The following ALDH16A1 variants were observed in gnomAD, a reference collection of about 807,000 sequenced individuals.
The protein encoded by ALDH16A1 is aldehyde dehydrogenase family 16 member A1.
ALDH16A1 carries 88 observed loss-of-function variants against 96.1 expected under a neutral mutation model. The ratio of observed to expected loss-of-function variants is 0.92; its 90% CI spans 0.77 to 1.09. The LOEUF is 1.09. Among genes scored for constraint, ALDH16A1 ranks in the 50% least tolerant of loss-of-function variants. The pLI is 0.00. For missense variants in ALDH16A1, 1,250 were observed against 1,112.6 expected (o/e 1.12, Z -1.76); for synonymous variants, 522 against 496.4 (o/e 1.05, Z -0.69).
Position 49,459,929 on chromosome 19 carries a change from A to G in ALDH16A1, c.499+81A>G. The G allele has an allele frequency of 6.7e-7, 1 of 1,481,802 alleles. No individual in the cohort carries two copies. The highest frequency in any genetic ancestry group is 9.0e-7 in the Non-Finnish European group (1 of 1,109,820). 91.8% of individuals were successfully genotyped at this position (1,481,802 alleles called of 1,614,324 possible). On this transcript the variant is annotated intron_variant, in intron 4 of 16. Coordinates refer to ENST00000293350, the MANE Select transcript of ALDH16A1 (RefSeq NM_153329.4). This position sits in a 1 kb window ranked among gnomAD's most constrained non-coding sequence, Gnocchi z 4.1. ...CCAGTCCCCTCATTCTTTTTCTTTTAGACAGAGTTTCGCTCTTGTCGCCCA... is the reference window on the plus strand; with the variant it reads ...CCAGTCCCCTCATTCTTTTTCTTTTGGACAGAGTTTCGCTCTTGTCGCCCA...
At chr19:49,464,006 T>G in intron 9 of ALDH16A1, 57 bp downstream of exon 9, 1 of 1,582,072 alleles carries the variant, frequency 6.3e-7, no homozygotes, top group Non-Finnish European at 8.6e-7. Flanking sequence ...GCAGCAGCTC[T>G]GTGCCTGGGG....
chr19:49,470,297 T>G lies in ALDH16A1; in HGVS notation c.2248-9T>G. 6.2e-7 allele frequency: 1 copy of G among 1,612,982 alleles called. No homozygotes were observed. Among genetic ancestry groups the G allele is most frequent in the Non-Finnish European group, 8.5e-7 (1 of 1,179,592 alleles). On this transcript the variant is annotated splice_polypyrimidine_tract_variant and intron_variant, in intron 16 of 16. Transcript: ENST00000293350. The stretch of plus-strand genomic sequence containing the variant: ...AGAAGTGCTTACCCCCGTCTCTTCC[T>G]CCCCTCAGGGTTCCCAGTTTGTCGA...
At chr19:49,464,822 G>A in intron 12 of ALDH16A1, 60 bp downstream of exon 12, 1 of 1,605,398 alleles carries the variant, frequency 6.2e-7, no homozygotes, top group Non-Finnish European at 8.5e-7. Flanking sequence ...ATTGATGCCT[G>A]TTTCCCCGTG....
chr19:49,464,846 G>T (rs1370741580), intron 12 of ALDH16A1, 84 bp downstream of exon 12: 3 of 1,586,080 alleles, frequency 1.9e-6, no homozygotes, highest in African/African-American at 1.3e-5. Context: ...TGGAGGGCTG[G>T]CGCGAGGTCC....
Position 49,470,650 on chromosome 19 carries a change from T to C in ALDH16A1, c.*183T>C. On this transcript the variant is annotated 3_prime_UTR_variant, in exon 17 of 17. Transcript: ENST00000293350. ...TCTGGCAGATATGAGGCTTTTTTCTTTTTTTTTTTTTTTTTTGAGACAACG... is the reference window on the plus strand; with the variant it reads ...TCTGGCAGATATGAGGCTTTTTTCTCTTTTTTTTTTTTTTTTGAGACAACG... 1 of 320,740 alleles carries C rather than the reference T, an allele frequency of 3.1e-6. No homozygotes were observed. The highest frequency in any genetic ancestry group is 5.0e-6 in the Non-Finnish European group (1 of 199,454). 19.9% of individuals were successfully genotyped at this position (320,740 alleles called of 1,614,324 possible).
intron 16 of ALDH16A1, chr19:49,470,006 G>T: frequency 3.5e-6 from 1 of 283,946 alleles, no homozygotes; most frequent in Non-Finnish European, 6.6e-6. Flanking sequence ...GCGAGTCACC[G>T]CGCCCCACCG....
Position 49,464,164 on chromosome 19 carries a change from C to T in ALDH16A1, c.1232C>T (p.Thr411Ile), listed in dbSNP as rs200435991. The T allele has an allele frequency of 2.4e-5, 38 of 1,608,888 alleles. No homozygotes were observed. The highest frequency in any genetic ancestry group is 1.7e-4 in the Admixed American group (10 of 59,936). ...GTGGTCGTGGCCTCCCCCTTCCGCA[C>T]AGCCAAGGAGGCACTGTTGGTGGCC... ...WPVVVASPFR[T>I]AKEALLVANG... The change falls in exon 10 of 17, where the codon ACA becomes ATA. Residue 411 changes from threonine to isoleucine, a missense_variant. Transcript: ENST00000293350.
intron 1 of ALDH16A1, among the ~76,000 whole-genome samples, chr19:49,456,873 C>T (rs537146466): frequency 2.0e-5 from 3 of 152,120 alleles, no homozygotes; most frequent in South Asian, 2.1e-4. Context: ...TTTGGGAGGC[C>T]GAGGCGAGTG....
At position 49,462,036 on chromosome 19, in the gene ALDH16A1, G is replaced by A. The variant is rs770140025; in HGVS notation, c.912G>A (p.Pro304=). ...ACGCCGCCTGGTCCGACCGCGGCCC[G>A]GTGAGACCCGTGCGCTCCCGTCTCC... is the stretch of plus-strand genomic sequence containing the variant. ...VVDAAWSDRG[P]GGLRLLIQES... The change falls in exon 7 of 17, where the codon CCG becomes CCA. Residue 304 remains proline, a splice_region_variant and synonymous_variant. Coordinates refer to ENST00000293350, the MANE Select transcript of ALDH16A1 (RefSeq NM_153329.4). The A allele has an allele frequency of 1.2e-5, 18 of 1,539,762 alleles. No individual in the cohort carries two copies. Among genetic ancestry groups the A allele is most frequent in the African/African-American group, 4.1e-5 (3 of 72,900 alleles).
Position 49,459,648 on chromosome 19 carries a change from C to T in ALDH16A1, c.321-22C>T. The T allele has an allele frequency of 6.3e-7, 1 of 1,585,790 alleles. No homozygotes were observed. The highest frequency in any genetic ancestry group is 8.6e-7 in the Non-Finnish European group (1 of 1,166,316). On this transcript the variant is annotated intron_variant, in intron 3 of 16. Coordinates refer to ENST00000293350, the MANE Select transcript of ALDH16A1 (RefSeq NM_153329.4). The surrounding 1 kb of genome is among the most constrained non-coding windows in gnomAD (Gnocchi z 4.1). ...AGGCTGAGGGCCGTTGGAAAATGAG[C>T]ACCCTCTTGCTTTCTCGACAGGCTG...
In ALDH16A1 at chr19:49,464,406, C is replaced by T. The variant is rs1301342876; in HGVS notation, c.1332-11C>T. ...GTTTTCCTCTGTTGGACACCTTCAT[C>T]TTCCCCACAGGCTCCAGGTGGGCAC... On this transcript the variant is annotated splice_polypyrimidine_tract_variant and intron_variant, in intron 10 of 16. Transcript: ENST00000293350. 2 of 1,591,808 alleles carry T rather than the reference C, an allele frequency of 1.3e-6. No individual in the cohort carries two copies. The highest frequency in any genetic ancestry group is 1.1e-5 in the South Asian group (1 of 88,630).
chr19:49,467,998 CAA>C (rs879290872), intron 14 of ALDH16A1, among the ~76,000 whole-genome samples: 1 of 140,260 alleles, frequency 7.1e-6, no homozygotes, highest in Non-Finnish European at 1.6e-5. Flanking sequence ...ACTAAATATA[CAA>C]AAAAAAAAAA....
chr19:49,468,990 C>T lies in ALDH16A1; in HGVS notation c.2247+4C>T. ...GTGGTATTTCGGATCAGCCCAGGTG[C>T]TCTTTGTTCTGTTTTGCCATCTTCA... is the stretch of plus-strand genomic sequence containing the variant. On this transcript the variant is annotated splice_donor_region_variant and intron_variant, in intron 16 of 16. Transcript: ENST00000293350. This position sits in a 1 kb window ranked among gnomAD's most constrained non-coding sequence, Gnocchi z 4.4. 1 of 1,604,582 alleles carries T rather than the reference C, an allele frequency of 6.2e-7. No individual in the cohort carries two copies. The highest frequency in any genetic ancestry group is 8.5e-7 in the Non-Finnish European group (1 of 1,173,922).
At chr19:49,462,538 G>C (rs748623955) in intron 7 of ALDH16A1, 32 bp from the exon 8 acceptor site, 1 of 1,604,740 alleles carries the variant, frequency 6.2e-7, no homozygotes, top group Admixed American at 1.7e-5. Flanking sequence ...GAGTGCAATG[G>C]TGTGATCTCC....
intron 13 of ALDH16A1, 48 bp downstream of exon 13, chr19:49,465,953 G>A (rs2079194398): frequency 6.3e-7 from 1 of 1,586,778 alleles, no homozygotes; most frequent in South Asian, 1.1e-5. Context: ...TGGCAGAGAG[G>A]GGAGCCTGCC....
chr19:49,470,215 C>T, intron 16 of ALDH16A1, 91 bp from the exon 17 acceptor site: 1 of 1,495,554 alleles, frequency 6.7e-7, no homozygotes. Flanking sequence ...AGCCTGAAGC[C>T]CCTCGTCAGT....
At chr19:49,469,029 C>G in intron 16 of ALDH16A1, 43 bp downstream of exon 16, 1 of 1,576,928 alleles carries the variant, frequency 6.3e-7, no homozygotes, top group Non-Finnish European at 8.6e-7. Context: ...TCTCAAACTT[C>G]AAACAGGCTC....
rs1282660176 is a variant in ALDH16A1 at position 49,464,726 on chromosome 19, C to T, written c.1532C>T (p.Pro511Leu). ...LNYDTFGLAVPSTLPAGPEIG... is the reference protein window; with the variant it reads ...LNYDTFGLAVLSTLPAGPEIG... Reference sequence around the variant, plus strand: ...TATGACACCTTTGGCCTCGCTGTTCCCTCAACCCTGCCGGCTGGGCCTGAA... The same window carrying T: ...TATGACACCTTTGGCCTCGCTGTTCTCTCAACCCTGCCGGCTGGGCCTGAA... Residue 511 changes from proline (P) to leucine (L), a missense_variant, in exon 12 of 17, where the codon CCC becomes CTC. Coordinates refer to ENST00000293350, the MANE Select transcript of ALDH16A1 (RefSeq NM_153329.4). 1 of 1,613,530 alleles carries T rather than the reference C, an allele frequency of 6.2e-7. No homozygotes were observed. Among genetic ancestry groups the T allele is most frequent in the African/African-American group, 1.3e-5 (1 of 74,928 alleles).
chr19:49,464,272 G>T lies in ALDH16A1; in HGVS notation c.1331+9G>T, dbSNP rs2079178989. 1 of 1,600,066 alleles carries T rather than the reference G, an allele frequency of 6.2e-7. No homozygotes were observed. The highest frequency in any genetic ancestry group is 8.5e-7 in the Non-Finnish European group (1 of 1,178,028). Reference sequence around the variant, plus strand: ...CTGGAGCTGGGCTATGGGTCAGTCTGCGTGGCCCGGGCGCTCACTCCTCTC... The same window carrying T: ...CTGGAGCTGGGCTATGGGTCAGTCTTCGTGGCCCGGGCGCTCACTCCTCTC... On this transcript the variant is annotated intron_variant, in intron 10 of 16. Transcript: ENST00000293350.
Sources: gnomAD v4.1 joint callset for allele counts (sites outside exome capture counted in the v4.1 genomes callset) on GRCh38, gnomAD v4.1.1 for gene constraint, Gnocchi (gnomAD v3.1) non-coding constraint, MANE v1.5 for transcripts, NCBI Gene and HGNC (gene_info 2026-07-23, HGNC 2026-07-21) for gene names.